PIWIL4: variants seen among roughly 807,000 people sequenced by gnomAD.
PIWIL4 encodes piwi-like protein 4.
PIWIL4 carries 50 observed loss-of-function variants against 100.9 expected under a neutral mutation model. That is an observed-to-expected ratio of 0.50 (90% CI 0.39 to 0.63). The LOEUF (loss-of-function observed/expected upper bound fraction) is 0.63. PIWIL4 is among the 20% of genes least tolerant of loss of function. The pLI, the probability that PIWIL4 is intolerant of heterozygous loss-of-function variation, is 0.00. For missense variants in PIWIL4, 887 were observed against 1,043.3 expected (o/e 0.85, Z 2.06); for synonymous variants, 342 against 367.5 (o/e 0.93, Z 0.79).
chr11:94,613,189 C>G (rs956014576), intron 15 of PIWIL4, among the ~76,000 whole-genome samples: 3 of 152,122 alleles, frequency 2.0e-5, no homozygotes, highest in African/African-American at 7.2e-5. Flanking sequence ...TTGAAAACTT[C>G]TTTATCTCTT....
chr11:94,568,568 C>G lies in PIWIL4; in HGVS notation c.88-162C>G, dbSNP rs74683546. ...CTATAGCGTGTCCTTATCCTCTTTT[C>G]TAGAATGGGCACTCTCTTCTCATCT... On this transcript the variant is annotated intron_variant, in intron 1 of 19. Transcript: ENST00000299001. Among the ~76,000 whole-genome samples, 286 of 152,304 alleles carry G rather than the reference C, an allele frequency of 1.9e-3. 4 individuals are homozygous for G. The highest frequency in any genetic ancestry group is 0.018 in the East Asian group (91 of 5,190).
chr11:94,619,814 C>A lies in PIWIL4; in HGVS notation c.2223C>A (p.Thr741=), dbSNP rs561220038. Residue 741 remains threonine (T), a synonymous_variant, in exon 18 of 20, where the codon ACC becomes ACA. Transcript: ENST00000299001. ...AGAAGTGCATGCCACGATTCTTTAC[C>A]GAAATGAACCGCACTGTACAGAACC... The part of the protein sequence containing the change: ...VRKKCMPRFF[T]EMNRTVQNPP... 6.2e-7 allele frequency: 1 copy of A among 1,614,082 alleles called. No homozygotes were observed. The highest frequency in any genetic ancestry group is 1.3e-5 in the African/African-American group (1 of 75,030).
chr11:94,614,639 T>A (rs1181555844), intron 15 of PIWIL4, among the ~76,000 whole-genome samples: 1 of 152,220 alleles, frequency 6.6e-6, no homozygotes, highest in African/African-American at 2.4e-5. Flanking sequence ...TCTTGAAGTT[T>A]TGCATTGCTG....
chr11:94,597,749 T>G, intron 10 of PIWIL4, 55 bp from the exon 11 acceptor site: 1 of 1,279,780 alleles, frequency 7.8e-7, no homozygotes, highest in Non-Finnish European at 1.1e-6. Flanking sequence ...CCTGACGAAT[T>G]CAGTAAGTTA....
chr11:94,619,789 A>G lies in PIWIL4; in HGVS notation c.2198A>G (p.Lys733Arg), dbSNP rs543028625. 66 of 1,614,140 alleles carry G rather than the reference A, an allele frequency of 4.1e-5. No individual in the cohort carries two copies. The South Asian group carries it at 6.9e-4, about 17-fold the overall frequency. Residue 733 changes from lysine (K) to arginine (R), a missense_variant, in exon 18 of 20, where the codon AAG becomes AGG. Coordinates refer to ENST00000299001, the MANE Select transcript of PIWIL4 (RefSeq NM_152431.3). ...AGACTGTCGGTGATTGTGGTCAGGA[A>G]GAAGTGCATGCCACGATTCTTTACC... The part of the protein sequence containing the change: ...SSRLSVIVVR[K>R]KCMPRFFTEM...
At chr11:94,592,439 C>A (rs1413344605) in intron 8 of PIWIL4, among the ~76,000 whole-genome samples, 2 of 152,166 alleles carry the variant, frequency 1.3e-5, no homozygotes, top group African/African-American at 4.8e-5. Context: ...GTTCCTGGAA[C>A]ACAGTAAGCA....
At chr11:94,596,864 A>G (rs1454392326) in intron 10 of PIWIL4, among the ~76,000 whole-genome samples, 3 of 152,198 alleles carry the variant, frequency 2.0e-5, no homozygotes, top group Admixed American at 2.0e-4. Context: ...CATAATCCGA[A>G]TAGGTGGAAA....
chr11:94,578,729 T>A (rs1287477175), intron 4 of PIWIL4, among the ~76,000 whole-genome samples: 1 of 152,240 alleles, frequency 6.6e-6, no homozygotes, highest in Non-Finnish European at 1.5e-5. Context: ...GGTCTTATTC[T>A]TAGTGTCTCA....
intron 9 of PIWIL4, among the ~76,000 whole-genome samples, chr11:94,594,627 G>GGTTCAAGC (rs1420553505): frequency 6.6e-6 from 1 of 151,762 alleles, no homozygotes; most frequent in African/African-American, 2.4e-5. Flanking sequence ...CTGCCTCCCG[G>GGTTCAAGC]GTTCAAGCGA....
intron 15 of PIWIL4, among the ~76,000 whole-genome samples, chr11:94,615,657 T>TG (rs1948838242): frequency 6.6e-6 from 1 of 152,190 alleles, no homozygotes; most frequent in African/African-American, 2.4e-5. Context: ...GATGGGGTCT[T>TG]GCTTTGTTGC....
chr11:94,602,847 T>C (rs1948662146), intron 12 of PIWIL4, among the ~76,000 whole-genome samples: 1 of 152,192 alleles, frequency 6.6e-6, no homozygotes, highest in Admixed American at 6.5e-5. Context: ...ATAAATAGCC[T>C]GGATTGAGTT....
At chr11:94,591,271 G>A (rs1253161078) in intron 8 of PIWIL4, among the ~76,000 whole-genome samples, 1 of 152,144 alleles carries the variant, frequency 6.6e-6, no homozygotes, top group Non-Finnish European at 1.5e-5. Flanking sequence ...GCCTTTGTGT[G>A]TGTTCACTAG....
chr11:94,572,032 T>C (rs574307968), intron 2 of PIWIL4, among the ~76,000 whole-genome samples: 200 of 152,372 alleles, frequency 1.3e-3, no homozygotes, highest in African/African-American at 4.0e-3. Flanking sequence ...ATTTCTCTGA[T>C]GGCCAGTGAT....
At chr11:94,576,119 C>G (rs1948232575) in intron 3 of PIWIL4, among the ~76,000 whole-genome samples, 1 of 152,094 alleles carries the variant, frequency 6.6e-6, no homozygotes, top group Non-Finnish European at 1.5e-5. Context: ...AAAATAGCAT[C>G]TATTCTATAT....
chr11:94,586,956 G>C lies in PIWIL4; in HGVS notation c.717-94G>C. 2.5e-6 allele frequency: 3 copies of C among 1,203,124 alleles called. No individual in the cohort carries two copies. The East Asian group carries it at 7.1e-5, about 28-fold the overall frequency. 74.5% of individuals were successfully genotyped at this position (1,203,124 alleles called of 1,614,324 possible). On this transcript the variant is annotated intron_variant, in intron 6 of 19. Coordinates refer to ENST00000299001, the MANE Select transcript of PIWIL4 (RefSeq NM_152431.3). ...AAAAAAATTATCTTGTTAAGATCTCGAGAATTAGAACAGAAAATCACCATT... is the reference window on the plus strand; with the variant it reads ...AAAAAAATTATCTTGTTAAGATCTCCAGAATTAGAACAGAAAATCACCATT...
At chr11:94,598,087 C>T (rs1365656669) in intron 11 of PIWIL4, among the ~76,000 whole-genome samples, 172 bp downstream of exon 11, 1 of 151,996 alleles carries the variant, frequency 6.6e-6, no homozygotes, top group Non-Finnish European at 1.5e-5. Flanking sequence ...TCTGAATTTA[C>T]TTGCACGGAC....
chr11:94,604,241 T>C (rs762343630), intron 13 of PIWIL4, among the ~76,000 whole-genome samples, 185 bp downstream of exon 13: 1 of 152,210 alleles, frequency 6.6e-6, no homozygotes, highest in Non-Finnish European at 1.5e-5. Context: ...TTTCTAATAT[T>C]AATTTTAAAA....
At chr11:94,586,583 C>T (rs1159721972) in intron 6 of PIWIL4, among the ~76,000 whole-genome samples, 4 of 152,062 alleles carry the variant, frequency 2.6e-5, no homozygotes, top group African/African-American at 7.2e-5. Flanking sequence ...TGTTTTCCTG[C>T]GGGGACAGAT....
chr11:94,604,024 AT>A lies in PIWIL4; in HGVS notation c.1607del (p.Ile536AsnfsTer12). On this transcript the variant is annotated frameshift_variant, in exon 13 of 20. Transcript: ENST00000299001. LOFTEE classifies it high-confidence loss of function. ...QENPAAFVRA[I>X]QQYVDPDVQL... ...AAATCCAGCTGCATTTGTTAGAGCT[AT>A]ACAGCAATATGTTGATCCTGATGTT... The A allele has an allele frequency of 6.2e-7, 1 of 1,606,998 alleles. No individual in the cohort carries two copies. The highest frequency in any genetic ancestry group is 1.1e-5 in the South Asian group (1 of 90,200).
Sources: gnomAD v4.1 joint callset for allele counts (sites outside exome capture counted in the v4.1 genomes callset) on GRCh38, gnomAD v4.1.1 for gene constraint, MANE v1.5 for transcripts, NCBI Gene and HGNC (gene_info 2026-07-23, HGNC 2026-07-21) for gene names.